The following ZBTB20 variants were observed in gnomAD, a reference collection of about 807,000 sequenced individuals.
The protein encoded by ZBTB20 is zinc finger and BTB domain-containing protein 20.
ZBTB20 carries 9 observed loss-of-function variants against 56.9 expected under a neutral mutation model. That is an observed-to-expected ratio of 0.16 (90% CI 0.10 to 0.28). The LOEUF is 0.28. Ranked by LOEUF, ZBTB20 falls within the 10% of genes least tolerant of loss-of-function variation. ZBTB20 has a pLI of 1.00. For missense variants in ZBTB20, 655 were observed against 1,003.0 expected, an observed-to-expected ratio of 0.65 and a Z score of 4.69; for synonymous variants, 417 against 420.7, an observed-to-expected ratio of 0.99 and a Z score of 0.11.
At chr3:115,100,404 A>G (rs952004703) in intron 1 of ZBTB20, 2 of 151,752 alleles carry the variant, frequency 1.3e-5, no homozygotes, top group Admixed American at 1.3e-4. Flanking sequence ...GAGACAGAGC[A>G]AGCGAGTAAG....
chr3:114,651,550 TAAAAAAA>T (rs57059379), intron 6 of ZBTB20, among the ~76,000 whole-genome samples: 11 of 91,410 alleles, frequency 1.2e-4, no homozygotes, highest in Admixed American at 4.3e-4. Flanking sequence ...GGTTGGATAG[TAAAAAAA>T]AAAAAAAAAA....
At chr3:114,456,327 G>A (rs1051360612) in intron 7 of ZBTB20, among the ~76,000 whole-genome samples, 2 of 152,052 alleles carry the variant, frequency 1.3e-5, no homozygotes, top group African/African-American at 4.8e-5. Flanking sequence ...GTCTCAGCAA[G>A]ATATAACTTG....
At chr3:114,405,738 A>G (rs2087254924) in intron 7 of ZBTB20, among the ~76,000 whole-genome samples, 1 of 152,236 alleles carries the variant, frequency 6.6e-6, no homozygotes, top group South Asian at 2.1e-4. Context: ...GTGGAGCTGT[A>G]AGCAGGGACT....
intron 2 of ZBTB20, among the ~76,000 whole-genome samples, chr3:115,051,523 G>A (rs989722212): frequency 6.6e-6 from 1 of 152,108 alleles, no homozygotes; most frequent in Non-Finnish European, 1.5e-5. Flanking sequence ...GGTATTCATA[G>A]GTAGTAAGAG....
chr3:114,607,200 G>A (rs559854521), intron 6 of ZBTB20, among the ~76,000 whole-genome samples: 1 of 152,094 alleles, frequency 6.6e-6, no homozygotes, highest in Non-Finnish European at 1.5e-5. Context: ...TTCACAATAT[G>A]CAATATGAGG....
At chr3:115,084,046 T>C (rs1260044262) in intron 1 of ZBTB20, among the ~76,000 whole-genome samples, 1 of 151,856 alleles carries the variant, frequency 6.6e-6, no homozygotes, top group Non-Finnish European at 1.5e-5. Flanking sequence ...AATAAAGTGT[T>C]AAAAGTTTTT....
At position 114,316,727 on chromosome 3, in the gene ZBTB20, A is replaced by G. The variant is rs2078698591; in HGVS notation, c.*22278T>C. On this transcript the variant is annotated 3_prime_UTR_variant, in exon 12 of 12. Coordinates refer to ENST00000675478, the MANE Select transcript of ZBTB20 (RefSeq NM_001348800.3). ...CTGTAATCCACTGATTCCTTGGAAA[A>G]CATTTTTGATGAGAAAAATCTGACA... The G allele has an allele frequency of 8.1e-6, 3 of 371,118 alleles. No homozygotes were observed. Among genetic ancestry groups the G allele is most frequent in the African/African-American group, 6.7e-5 (3 of 44,998 alleles). The allele number at this position is 371,118 out of a possible 1,614,324, so 23.0% of individuals were successfully genotyped here. A position where few individuals can be genotyped will look rare whatever the true frequency, so the allele number is the denominator to read the frequency against.
At chr3:114,991,887 T>C (rs1016484256) in intron 2 of ZBTB20, among the ~76,000 whole-genome samples, 7 of 152,152 alleles carry the variant, frequency 4.6e-5, no homozygotes, top group Non-Finnish European at 1.0e-4. Context: ...TTGATCTTTG[T>C]TGGTTTAAAG....
In ZBTB20 at chr3:114,314,912, A is replaced by AT. The variant is rs1284288667; in HGVS notation, c.*24092dup. On this transcript the variant is annotated 3_prime_UTR_variant, in exon 12 of 12. Transcript: ENST00000675478. ...TATACGTGAGAAAAATACGAGGCTA[A>AT]TATTAAATGGCAGGTAAGGATACTG... 8.5e-5 allele frequency: 13 copies of AT among 152,182 alleles called. No individual in the cohort carries two copies. The highest frequency in any genetic ancestry group is 2.4e-4 in the African/African-American group (10 of 41,436). The allele number at this position is 152,182 out of a possible 1,614,324, so 9.4% of individuals were successfully genotyped here. A position where few individuals can be genotyped will look rare whatever the true frequency, so the allele number is the denominator to read the frequency against.
chr3:114,506,043 G>A (rs1287073359), intron 6 of ZBTB20, among the ~76,000 whole-genome samples: 3 of 152,064 alleles, frequency 2.0e-5, no homozygotes. Flanking sequence ...TAGGTACTTT[G>A]GGGTTTCCTG....
At chr3:114,762,172 TTAATAA>T (rs777660033) in intron 5 of ZBTB20, among the ~76,000 whole-genome samples, 2 of 152,174 alleles carry the variant, frequency 1.3e-5, no homozygotes, top group Non-Finnish European at 2.9e-5. Context: ...AACTCACCAG[TTAATAA>T]TAGAAAAAAT....
intron 3 of ZBTB20, among the ~76,000 whole-genome samples, chr3:114,909,669 C>T (rs182778645): frequency 3.2e-4 from 49 of 152,090 alleles, no homozygotes; most frequent in Admixed American, 3.0e-3. Context: ...ATAGGCCATA[C>T]CATCTACGTT....
chr3:114,432,901 G>A (rs575184768), intron 7 of ZBTB20, among the ~76,000 whole-genome samples: 1 of 152,238 alleles, frequency 6.6e-6, no homozygotes, highest in South Asian at 2.1e-4. Flanking sequence ...CAAGGTTAAT[G>A]TAGCTGGTAC....
intron 4 of ZBTB20, among the ~76,000 whole-genome samples, chr3:114,848,807 C>T (rs968829008): frequency 6.6e-6 from 1 of 152,230 alleles, no homozygotes; most frequent in Admixed American, 6.5e-5. Flanking sequence ...GCTTCTCCTT[C>T]GCCAGGGCTG....
chr3:114,854,571 G>C (rs916906600), intron 4 of ZBTB20, among the ~76,000 whole-genome samples: 1 of 152,192 alleles, frequency 6.6e-6, no homozygotes, highest in Non-Finnish European at 1.5e-5. Flanking sequence ...GTAATGAAAA[G>C]AGAAAGCAGC....
intron 4 of ZBTB20, among the ~76,000 whole-genome samples, chr3:114,801,504 TA>T (rs1272654344): frequency 3.3e-5 from 5 of 150,386 alleles, no homozygotes; most frequent in Non-Finnish European, 5.9e-5. Context: ...ATATTCTGAT[TA>T]AAAAAAAACT....
At chr3:115,122,528 T>A (rs1366593949) in intron 1 of ZBTB20, among the ~76,000 whole-genome samples, 1 of 152,016 alleles carries the variant, frequency 6.6e-6, no homozygotes, top group Admixed American at 6.6e-5. Flanking sequence ...CTCCATACAA[T>A]CCTATATCTC....
intron 6 of ZBTB20, among the ~76,000 whole-genome samples, chr3:114,590,685 C>T (rs2107555923): frequency 6.6e-6 from 1 of 151,998 alleles, no homozygotes; most frequent in African/African-American, 2.4e-5. Context: ...TTGCTTTCAC[C>T]CTCGTCAAGC....
chr3:114,365,343 C>A (rs1420510478), intron 10 of ZBTB20, among the ~76,000 whole-genome samples: 1 of 152,178 alleles, frequency 6.6e-6, no homozygotes, highest in East Asian at 1.9e-4. Context: ...CATCTACTGT[C>A]CAGCCAGTTG....
Sources: gnomAD v4.1 joint callset for allele counts (sites outside exome capture counted in the v4.1 genomes callset) on GRCh38, gnomAD v4.1.1 for gene constraint, MANE v1.5 for transcripts, NCBI Gene and HGNC (gene_info 2026-07-23, HGNC 2026-07-21) for gene names.